Variants in CCDC178 observed in about 807,000 individuals in gnomAD.
CCDC178 encodes coiled-coil domain-containing protein 178.
CCDC178 carries 126 observed loss-of-function variants against 117.4 expected under a neutral mutation model. That is an observed-to-expected ratio of 1.07 (90% CI 0.93 to 1.24). The LOEUF is 1.24. Among genes scored for constraint, CCDC178 ranks in the 50% most tolerant of loss-of-function variants. The pLI, the probability that CCDC178 is intolerant of heterozygous loss-of-function variation, is 0.00. For synonymous variants in CCDC178, 283 were observed against 313.4 expected, an observed-to-expected ratio of 0.90 and a Z score of 1.02; for missense variants, 1,030 against 986.9, an observed-to-expected ratio of 1.04 and a Z score of -0.59.
intron 2 of CCDC178, among the ~76,000 whole-genome samples, chr18:33,431,343 T>C (rs1278008051): frequency 6.6e-6 from 1 of 151,872 alleles, no homozygotes; most frequent in Non-Finnish European, 1.5e-5. Flanking sequence ...AATATCTGAA[T>C]TAGGCATTCT....
At chr18:33,179,839 T>A (rs1452745024) in intron 20 of CCDC178, among the ~76,000 whole-genome samples, 3 of 152,044 alleles carry the variant, frequency 2.0e-5, no homozygotes, top group East Asian at 3.9e-4. Flanking sequence ...TTCAGAATAT[T>A]AGTTTTAACA....
At chr18:33,227,573 T>TATACATACATATATATATATAC (rs2059321414) in intron 15 of CCDC178, among the ~76,000 whole-genome samples, 2 of 144,634 alleles carry the variant, frequency 1.4e-5, no homozygotes, top group African/African-American at 5.1e-5. Flanking sequence ...TATATATATA[T>TATACATACATATATATATATAC]ATATATACAC....
At chr18:33,350,586 T>A (rs2062961605) in intron 7 of CCDC178, among the ~76,000 whole-genome samples, 1 of 152,198 alleles carries the variant, frequency 6.6e-6, no homozygotes, top group African/African-American at 2.4e-5. Context: ...TTCTCCATGT[T>A]GCAGTATGTA....
intron 10 of CCDC178, among the ~76,000 whole-genome samples, chr18:33,331,870 A>C (rs1474387354): frequency 1.3e-5 from 2 of 152,236 alleles, no homozygotes; most frequent in African/African-American, 4.8e-5. Context: ...AACTAGGTAT[A>C]TAACCCCACT....
chr18:33,098,854 C>T (rs1378676431), intron 20 of CCDC178, among the ~76,000 whole-genome samples: 2 of 151,904 alleles, frequency 1.3e-5, no homozygotes, highest in Admixed American at 6.6e-5. Context: ...AATTCCTGTT[C>T]GCCAAGGATT....
intron 21 of CCDC178, among the ~76,000 whole-genome samples, chr18:33,087,814 G>T (rs1441982576): frequency 2.0e-5 from 3 of 152,184 alleles, no homozygotes; most frequent in Non-Finnish European, 4.4e-5. Context: ...TTATAAAAAT[G>T]AGAATCAAAC....
intron 9 of CCDC178, among the ~76,000 whole-genome samples, chr18:33,341,240 C>T (rs1030724124): frequency 5.9e-5 from 9 of 152,054 alleles, no homozygotes; most frequent in African/African-American, 1.9e-4. Flanking sequence ...TTTGTTTTGG[C>T]CAATCTCTCA....
In CCDC178 at chr18:33,397,195, C is replaced by A; in HGVS notation, c.72G>T (p.Gln24His). The A allele has an allele frequency of 6.2e-7, 1 of 1,605,708 alleles. No homozygotes were observed. The highest frequency in any genetic ancestry group is 8.5e-7 in the Non-Finnish European group (1 of 1,173,426). ...CCTTCTCTCTGAGAGCCTTTACTTC[C>A]TGACATGTTAAACCTATAAAAGGTA... The part of the protein sequence containing the change: ...DDQTNIGLTC[Q>H]EVKALREKAW... The change falls in exon 4 of 23, where the codon CAG becomes CAT. Residue 24 changes from glutamine to histidine, a missense_variant. By Grantham distance (24) the Gln-to-His change is conservative. Transcript: ENST00000383096.
At chr18:33,283,337 G>A (rs937389175) in intron 12 of CCDC178, among the ~76,000 whole-genome samples, 3 of 152,014 alleles carry the variant, frequency 2.0e-5, no homozygotes, top group African/African-American at 4.8e-5. Context: ...AAAAAAATCC[G>A]AAGGTAACCA....
intron 21 of CCDC178, among the ~76,000 whole-genome samples, chr18:33,064,274 A>G (rs2056975516): frequency 6.6e-6 from 1 of 152,244 alleles, no homozygotes; most frequent in South Asian, 2.1e-4. Context: ...GACATACAAG[A>G]GAACATAAGT....
chr18:33,027,563 C>A, intron 21 of CCDC178, among the ~76,000 whole-genome samples: 1 of 151,528 alleles, frequency 6.6e-6, no homozygotes, highest in East Asian at 1.9e-4. Flanking sequence ...AAAGCATCAA[C>A]AATATAAAGT....
intron 15 of CCDC178, among the ~76,000 whole-genome samples, chr18:33,243,441 G>C (rs575361982): frequency 1.1e-4 from 16 of 151,704 alleles, no homozygotes; most frequent in Non-Finnish European, 1.9e-4. Context: ...TGAGATGATG[G>C]GTATGTTAAT....
chr18:33,087,510 AGTGTGTGTGT>A (rs761523932), intron 21 of CCDC178, among the ~76,000 whole-genome samples: 1 of 148,824 alleles, frequency 6.7e-6, no homozygotes, highest in Non-Finnish European at 1.5e-5. Context: ...CTTTAGAACA[AGTGTGTGTGT>A]GTGTATGTGT....
chr18:33,274,989 T>A (rs1599087706), intron 12 of CCDC178, among the ~76,000 whole-genome samples: 1 of 152,066 alleles, frequency 6.6e-6, no homozygotes, highest in Non-Finnish European at 1.5e-5. Flanking sequence ...CCTTTCCTAA[T>A]ATAAATGATA....
chr18:33,423,334 A>G (rs2064058420), intron 2 of CCDC178, among the ~76,000 whole-genome samples: 1 of 152,184 alleles, frequency 6.6e-6, no homozygotes, highest in Non-Finnish European at 1.5e-5. Context: ...GTGTTGGGTT[A>G]GCTTTAAAAC....
rs967568559 is a variant in CCDC178, at chr18:33,086,423, T to C, written c.2388+6338A>G. ...ATGTATATATACATATATAAATATATATACACACACACACACACACACATA... is the reference window on the plus strand; with the variant it reads ...ATGTATATATACATATATAAATATACATACACACACACACACACACACATA... On this transcript the variant is annotated intron_variant, in intron 21 of 22. Transcript: ENST00000383096. 4.4e-3 allele frequency among the ~76,000 whole-genome samples: 653 copies of C among 149,124 alleles called. 4 individuals are homozygous for C. The highest frequency in any genetic ancestry group is 0.016 in the African/African-American group (626 of 39,810).
At chr18:33,295,100 T>C (rs1421752575) in intron 11 of CCDC178, among the ~76,000 whole-genome samples, 1 of 152,186 alleles carries the variant, frequency 6.6e-6, no homozygotes. Flanking sequence ...AAGTGTGATA[T>C]TGGCAGAGGG....
chr18:33,395,479 A>G (rs968605437), intron 4 of CCDC178, among the ~76,000 whole-genome samples: 1 of 152,028 alleles, frequency 6.6e-6, no homozygotes, highest in Admixed American at 6.6e-5. Flanking sequence ...CTGTAGAGAC[A>G]TTTTCTCTGA....
chr18:33,260,941 G>A (rs2059739808), intron 14 of CCDC178, among the ~76,000 whole-genome samples: 1 of 152,060 alleles, frequency 6.6e-6, no homozygotes, highest in Admixed American at 6.5e-5. Context: ...CATGAGTAAC[G>A]AGTCATTTTA....
Sources: allele counts gnomAD v4.1 joint callset (sites outside exome capture counted in the v4.1 genomes callset), GRCh38; gene constraint gnomAD v4.1.1; transcripts MANE v1.5; gene names NCBI Gene and HGNC (gene_info 2026-07-23, HGNC 2026-07-21).